The following MAP2 variants were observed in gnomAD, a reference collection of about 807,000 sequenced individuals.
MAP2 encodes microtubule associated protein 2, also known as microtubule-associated protein 2.
A neutral mutation model predicts 137.6 loss-of-function variants in MAP2; 14 were observed. The ratio of observed to expected loss-of-function variants is 0.10; its 90% confidence interval spans 0.07 to 0.16. The LOEUF (loss-of-function observed/expected upper bound fraction) is 0.16. Ranked by LOEUF, MAP2 falls within the 10% of genes least tolerant of loss-of-function variation. The pLI is 1.00. For missense variants in MAP2, 2,088 were observed against 2,191.5 expected, an observed-to-expected ratio of 0.95 and a Z score of 0.94; for synonymous variants, 786 against 782.3, an observed-to-expected ratio of 1.00 and a Z score of -0.08.
chr2:209,703,866 G>GC (rs2062517263), intron 11 of MAP2: 1 of 383,886 alleles, frequency 2.6e-6, no homozygotes, highest in Non-Finnish European at 5.2e-6. Context: ...GTAAAGAAGA[G>GC]CAAGTAATAA....
intron 1 of MAP2, among the ~76,000 whole-genome samples, chr2:209,490,109 G>T (rs1262235393): frequency 6.6e-6 from 1 of 152,172 alleles, no homozygotes; most frequent in Non-Finnish European, 1.5e-5. Context: ...CCAGAAGAGA[G>T]CGGGGGAAAA....
intron 7 of MAP2, among the ~76,000 whole-genome samples, chr2:209,689,267 T>C (rs2058112929): frequency 6.6e-6 from 1 of 151,942 alleles, no homozygotes; most frequent in Admixed American, 6.6e-5. Flanking sequence ...AAACTAAAAA[T>C]GAGTGCTAAA....
At position 209,657,482 on chromosome 2, in the gene MAP2, AGAT is replaced by A. The variant is rs551568377; in HGVS notation, c.262+4054_262+4056del. Reference sequence around the variant, plus strand: ...AATAATGGCCATTCTAACTGGTATAAGATGATATCTCATTGTGGTTTTAATTTG... The same window carrying A: ...AATAATGGCCATTCTAACTGGTATAAGATATCTCATTGTGGTTTTAATTTG... On this transcript the variant is annotated intron_variant, in intron 5 of 15. Coordinates refer to ENST00000682079, the MANE Select transcript of MAP2 (RefSeq NM_001375505.1). Among the ~76,000 whole-genome samples the A allele has an allele frequency of 4.6e-5, 7 of 152,298 alleles. No individual in the cohort carries two copies. The East Asian group carries it at 1.3e-3, about 29-fold the overall frequency.
At position 209,515,210 on chromosome 2, in the gene MAP2, A is replaced by G. The variant is rs562733306; in HGVS notation, c.-172+7569A>G. ...AAAACACTGAATGCATTATATGAGTACATCTGTGTCTATCTTCTTTCTCTC... is the reference window on the plus strand; with the variant it reads ...AAAACACTGAATGCATTATATGAGTGCATCTGTGTCTATCTTCTTTCTCTC... On this transcript the variant is annotated intron_variant, in intron 2 of 15. Coordinates refer to ENST00000682079, the MANE Select transcript of MAP2 (RefSeq NM_001375505.1). 3.9e-5 allele frequency among the ~76,000 whole-genome samples: 6 copies of G among 152,242 alleles called. No individual in the cohort carries two copies. The South Asian group carries it at 8.3e-4, about 21-fold the overall frequency.
intron 3 of MAP2, among the ~76,000 whole-genome samples, chr2:209,609,847 A>T (rs555308834): frequency 1.3e-5 from 2 of 152,264 alleles, no homozygotes; most frequent in African/African-American, 4.8e-5. Context: ...CTAGACTTAC[A>T]TAGTTATTGT....
intron 1 of MAP2, among the ~76,000 whole-genome samples, chr2:209,492,960 A>G (rs191335294): frequency 1.1e-3 from 162 of 152,226 alleles, no homozygotes; most frequent in Non-Finnish European, 1.8e-3. Context: ...ATACAGAACC[A>G]AAAAAGATCC....
intron 2 of MAP2, among the ~76,000 whole-genome samples, chr2:209,538,544 T>G (rs555979718): frequency 2.0e-5 from 3 of 150,972 alleles, no homozygotes; most frequent in African/African-American, 7.4e-5. Flanking sequence ...CCTTTTTTTT[T>G]TTTTTTTTTC....
intron 2 of MAP2, among the ~76,000 whole-genome samples, chr2:209,532,869 G>A (rs2065338844): frequency 6.6e-6 from 1 of 152,120 alleles, no homozygotes; most frequent in Non-Finnish European, 1.5e-5. Flanking sequence ...ACTCAGTGGT[G>A]ATTTTCATGT....
At chr2:209,664,139 T>A (rs2153642481) in intron 5 of MAP2, among the ~76,000 whole-genome samples, 1 of 152,374 alleles carries the variant, frequency 6.6e-6, no homozygotes, top group African/African-American at 2.4e-5. Context: ...GTCAGTAGGT[T>A]GGAAATGCTT....
chr2:209,719,463 A>T (rs772268969), intron 13 of MAP2, among the ~76,000 whole-genome samples: 1 of 152,240 alleles, frequency 6.6e-6, no homozygotes, highest in Non-Finnish European at 1.5e-5. Context: ...GTTTTACTAA[A>T]AATTGTACAT....
At chr2:209,658,262 T>C (rs1484213400) in intron 5 of MAP2, among the ~76,000 whole-genome samples, 3 of 152,118 alleles carry the variant, frequency 2.0e-5, no homozygotes, top group Admixed American at 2.0e-4. Flanking sequence ...CTGTAATCAT[T>C]GTGCATGTGA....
chr2:209,576,551 G>A (rs773822828), intron 2 of MAP2, among the ~76,000 whole-genome samples: 2 of 151,870 alleles, frequency 1.3e-5, no homozygotes, highest in East Asian at 1.9e-4. Flanking sequence ...CTGGCCTTCT[G>A]TTAACTAATT....
chr2:209,451,725 T>C (rs1308809480), intron 1 of MAP2, among the ~76,000 whole-genome samples: 1 of 152,216 alleles, frequency 6.6e-6, no homozygotes, highest in African/African-American at 2.4e-5. Flanking sequence ...AACTTGCTGC[T>C]GGGTGTATGT....
intron 5 of MAP2, among the ~76,000 whole-genome samples, chr2:209,661,932 C>G (rs979961950): frequency 6.6e-6 from 1 of 152,180 alleles, no homozygotes; most frequent in African/African-American, 2.4e-5. Context: ...AAAAAACCAA[C>G]ATCAGATAAA....
At chr2:209,637,090 G>A (rs2093631491) in intron 4 of MAP2, among the ~76,000 whole-genome samples, 1 of 152,092 alleles carries the variant, frequency 6.6e-6, no homozygotes, top group African/African-American at 2.4e-5. Context: ...TTCTCTACAA[G>A]CGAGTGTACT....
At chr2:209,668,658 AAAG>A (rs545294146) in intron 5 of MAP2, among the ~76,000 whole-genome samples, 10 of 152,138 alleles carry the variant, frequency 6.6e-5, no homozygotes, top group Admixed American at 2.0e-4. Context: ...CTTGCTGTAA[AAAG>A]AAGATTTGCA....
intron 1 of MAP2, among the ~76,000 whole-genome samples, chr2:209,450,315 A>G (rs16842908): frequency 1.3e-5 from 2 of 152,102 alleles, no homozygotes; most frequent in African/African-American, 4.8e-5. Flanking sequence ...TCACACATGT[A>G]ATAAGCCAAG....
At chr2:209,520,970 T>C (rs1040138070) in intron 2 of MAP2, among the ~76,000 whole-genome samples, 3 of 152,108 alleles carry the variant, frequency 2.0e-5, no homozygotes, top group Non-Finnish European at 2.9e-5. Flanking sequence ...CCATGTTGGT[T>C]AATGACAATG....
intron 12 of MAP2, 41 bp from the exon 13 acceptor site, chr2:209,709,873 G>A (rs369736821): frequency 4.2e-6 from 6 of 1,444,828 alleles, no homozygotes; most frequent in Non-Finnish European, 5.8e-6. Context: ...GAGGAGAATT[G>A]TCTGACTCTG....
Sources: gnomAD v4.1 joint callset for allele counts (sites outside exome capture counted in the v4.1 genomes callset) on GRCh38, gnomAD v4.1.1 for gene constraint, MANE v1.5 for transcripts, NCBI Gene and HGNC (gene_info 2026-07-23, HGNC 2026-07-21) for gene names.